MAF: variants seen among roughly 807,000 people sequenced by gnomAD.
The protein encoded by MAF is transcription factor Maf.
In MAF, 10 loss-of-function variants were observed where a neutral mutation model predicts 22.0. The observed-to-expected ratio is 0.45, with a 90% CI of 0.28 to 0.77. MAF has a LOEUF of 0.77. MAF is among the 30% of genes least tolerant of loss of function. The pLI is 0.12. For missense variants in MAF, 544 were observed against 548.4 expected, an observed-to-expected ratio of 0.99 and a Z score of 0.08; for synonymous variants, 337 against 255.8, an observed-to-expected ratio of 1.32 and a Z score of -3.03.
chr16:79,242,610 C>T, the MAF span, among the ~76,000 whole-genome samples: 1 of 151,898 alleles, frequency 6.6e-6, no homozygotes, highest in Admixed American at 6.6e-5. Flanking sequence ...TAGTGGGAGA[C>T]TTTAACACCC....
the MAF span, among the ~76,000 whole-genome samples, chr16:79,547,901 T>G: frequency 7.3e-6 from 1 of 137,266 alleles, no homozygotes; most frequent in Admixed American, 7.2e-5. Flanking sequence ...TGTGTGTGTG[T>G]GAGAGAGAGA....
chr16:79,418,680 A>G, the MAF span, among the ~76,000 whole-genome samples: 1 of 152,208 alleles, frequency 6.6e-6, no homozygotes, highest in Non-Finnish European at 1.5e-5. Context: ...TGCTGTTCAC[A>G]TATGGCAACA....
chr16:79,543,212 G>A, the MAF span, among the ~76,000 whole-genome samples: 1 of 152,158 alleles, frequency 6.6e-6, no homozygotes, highest in South Asian at 2.1e-4. Context: ...ACAAAGGTAG[G>A]CGCGATCCAT....
At chr16:79,362,278 G>T in the MAF span, among the ~76,000 whole-genome samples, 1 of 152,212 alleles carries the variant, frequency 6.6e-6, no homozygotes, top group African/African-American at 2.4e-5. Flanking sequence ...TAGAGTGTTT[G>T]TGTTAGCGTG....
the MAF span, among the ~76,000 whole-genome samples, chr16:79,539,513 C>G: frequency 6.6e-6 from 1 of 151,746 alleles, no homozygotes; most frequent in Non-Finnish European, 1.5e-5. Context: ...CAAAACAAAA[C>G]AAAACAAAAG....
chr16:79,482,890 T>TC, the MAF span, among the ~76,000 whole-genome samples: 11 of 55,296 alleles, frequency 2.0e-4, no homozygotes, highest in African/African-American at 3.5e-4. Context: ...CCCTCCCTCC[T>TC]TCCTTCCCTC....
At chr16:79,477,002 C>T in the MAF span, among the ~76,000 whole-genome samples, 13,781 of 152,156 alleles carry the variant, frequency 0.091, 624 homozygotes, top group East Asian at 0.16. Flanking sequence ...TCCACACCTG[C>T]CACAGGTGAT....
chr16:79,465,632 G>C, the MAF span, among the ~76,000 whole-genome samples: 1 of 152,102 alleles, frequency 6.6e-6, no homozygotes, highest in African/African-American at 2.4e-5. Context: ...ATAAAGAAAA[G>C]AAACATACTT....
At chr16:79,347,405 A>T in the MAF span, among the ~76,000 whole-genome samples, 1 of 152,216 alleles carries the variant, frequency 6.6e-6, no homozygotes, top group Non-Finnish European at 1.5e-5. Context: ...TACCATTTGC[A>T]TAGCACGTTA....
the MAF span, among the ~76,000 whole-genome samples, chr16:79,300,210 A>T: frequency 6.6e-6 from 1 of 152,256 alleles, no homozygotes; most frequent in African/African-American, 2.4e-5. Flanking sequence ...AAAATTAAAA[A>T]TAGACAACAT....
At chr16:79,471,094 C>A in the MAF span, among the ~76,000 whole-genome samples, 20 of 152,284 alleles carry the variant, frequency 1.3e-4, no homozygotes, top group African/African-American at 4.6e-4. Flanking sequence ...TTTAGGTACA[C>A]ATTTGCTGGA....
the MAF span, among the ~76,000 whole-genome samples, chr16:79,542,959 G>C: frequency 0.043 from 6,506 of 152,176 alleles, 228 homozygotes; most frequent in Non-Finnish European, 0.055. Flanking sequence ...GACCTTACAG[G>C]ATTGCATATG....
the MAF span, among the ~76,000 whole-genome samples, chr16:79,559,506 C>T: frequency 2.6e-5 from 4 of 152,152 alleles, no homozygotes; most frequent in African/African-American, 7.2e-5. Context: ...CTCTGCCTTC[C>T]GTTCTACTAG....
chr16:79,288,551 C>T, the MAF span, among the ~76,000 whole-genome samples: 4 of 152,044 alleles, frequency 2.6e-5, no homozygotes, highest in African/African-American at 4.8e-5. Flanking sequence ...ATTCCTGACA[C>T]GTGAAATTTT....
chr16:79,308,875 G>C, the MAF span, among the ~76,000 whole-genome samples: 1 of 152,152 alleles, frequency 6.6e-6, no homozygotes, highest in South Asian at 2.1e-4. Flanking sequence ...CCCAGAAATG[G>C]GAATCTGGGA....
the MAF span, among the ~76,000 whole-genome samples, chr16:79,211,302 C>G: frequency 6.4e-4 from 97 of 152,268 alleles, 1 homozygote; most frequent in Admixed American, 2.0e-3. Flanking sequence ...ATCTTTTTCT[C>G]TGTGTGGAAG....
the MAF span, among the ~76,000 whole-genome samples, chr16:79,404,453 G>A: frequency 3.9e-5 from 6 of 152,030 alleles, no homozygotes; most frequent in African/African-American, 1.4e-4. Flanking sequence ...GAGCCACCAC[G>A]CGTGGCCTGG....
chr16:79,247,656 T>G, the MAF span, among the ~76,000 whole-genome samples: 5,023 of 152,296 alleles, frequency 0.033, 85 homozygotes, highest in East Asian at 0.044. Context: ...GTCTTACCAC[T>G]GTCAACCCAT....
At chr16:79,474,982 G>C in the MAF span, among the ~76,000 whole-genome samples, 2,948 of 152,330 alleles carry the variant, frequency 0.019, 44 homozygotes, top group Non-Finnish European at 0.031. Flanking sequence ...ATGCTTTGTA[G>C]ACACTGTGCT....
Sources: gnomAD v4.1 joint callset for allele counts (sites outside exome capture counted in the v4.1 genomes callset) on GRCh38, gnomAD v4.1.1 for gene constraint, MANE v1.5 for transcripts, NCBI Gene and HGNC (gene_info 2026-07-23, HGNC 2026-07-21) for gene names.